The following TNS3 variants were observed in gnomAD, a reference collection of about 807,000 sequenced individuals.
TNS3 encodes the protein tensin-3.
TNS3 carries 45 observed loss-of-function variants against 140.9 expected under a neutral mutation model. The ratio of observed to expected loss-of-function variants is 0.32; its 90% CI spans 0.25 to 0.41. The LOEUF (loss-of-function observed/expected upper bound fraction) is 0.41, where lower values mean the gene tolerates loss of function less well. Among genes scored for constraint, TNS3 ranks in the 10% least tolerant of loss-of-function variants. TNS3 has a pLI of 1.00. For synonymous variants in TNS3, 815 were observed against 788.4 expected (o/e 1.03, Z -0.56); for missense variants, 1,716 against 1,906.7 (o/e 0.90, Z 1.86).
intron 20 of TNS3, among the ~76,000 whole-genome samples, chr7:47,308,823 C>T (rs1001669431): frequency 1.5e-4 from 23 of 152,184 alleles, no homozygotes; most frequent in Admixed American, 1.4e-3. Flanking sequence ...GGGTTAGCCT[C>T]TCTTTCCAAT....
At chr7:47,388,341 T>C (rs1792193482) in intron 16 of TNS3, among the ~76,000 whole-genome samples, 1 of 152,180 alleles carries the variant, frequency 6.6e-6, no homozygotes, top group South Asian at 2.1e-4. Context: ...TCCAGGTTCA[T>C]GTCTCAGGGA....
chr7:47,479,487 C>A (rs1401862847), intron 4 of TNS3, among the ~76,000 whole-genome samples: 2 of 149,716 alleles, frequency 1.3e-5, no homozygotes. Context: ...CCTACTCCCC[C>A]ACCCCCCCGT....
At chr7:47,294,418 C>T (rs987113881) in intron 24 of TNS3, among the ~76,000 whole-genome samples, 1 of 152,172 alleles carries the variant, frequency 6.6e-6, no homozygotes, top group Admixed American at 6.5e-5. Flanking sequence ...AAAGAGAAAA[C>T]ACATCATAAA....
chr7:47,486,292 C>CT (rs1431221191), intron 3 of TNS3, among the ~76,000 whole-genome samples: 2 of 151,646 alleles, frequency 1.3e-5, no homozygotes, highest in African/African-American at 4.9e-5. Flanking sequence ...ATGTGTGAAA[C>CT]TGAGTTTTGT....
intron 17 of TNS3, among the ~76,000 whole-genome samples, chr7:47,356,157 G>A (rs1193132558): frequency 6.6e-6 from 1 of 152,198 alleles, no homozygotes; most frequent in East Asian, 1.9e-4. Flanking sequence ...CCAAGGGCCA[G>A]CTCTCCTGGA....
At chr7:47,414,526 T>C (rs111932914) in intron 11 of TNS3, among the ~76,000 whole-genome samples, 1 of 152,190 alleles carries the variant, frequency 6.6e-6, no homozygotes, top group Admixed American at 6.5e-5. Context: ...CCCTCGGCCA[T>C]ATACTCTGTG....
At chr7:47,554,183 C>A (rs951444731) in intron 1 of TNS3, among the ~76,000 whole-genome samples, 3 of 150,910 alleles carry the variant, frequency 2.0e-5, no homozygotes, top group Non-Finnish European at 4.4e-5. Context: ...CTTTGGGAGG[C>A]CAAGACGGGT....
At chr7:47,430,662 C>T (rs1433749047) in intron 8 of TNS3, among the ~76,000 whole-genome samples, 5 of 151,968 alleles carry the variant, frequency 3.3e-5, no homozygotes, top group Non-Finnish European at 7.4e-5. Context: ...GCATAGATGG[C>T]ATGTTAGGCC....
chr7:47,444,291 T>G (rs551438480), intron 4 of TNS3, among the ~76,000 whole-genome samples: 4 of 152,236 alleles, frequency 2.6e-5, no homozygotes, highest in Admixed American at 6.5e-5. Flanking sequence ...CAAAATACAG[T>G]GACTCCCATT....
At chr7:47,511,060 A>G (rs1798589858) in intron 2 of TNS3, among the ~76,000 whole-genome samples, 3 of 152,238 alleles carry the variant, frequency 2.0e-5, no homozygotes, top group African/African-American at 7.2e-5. Flanking sequence ...GGTGTTCCAC[A>G]CCGGGTAAAA....
At chr7:47,487,816 A>G (rs141032539) in intron 3 of TNS3, among the ~76,000 whole-genome samples, 1 of 152,368 alleles carries the variant, frequency 6.6e-6, no homozygotes, top group Non-Finnish European at 1.5e-5. Context: ...AATGAAGTTT[A>G]CTTTTATTTT....
At chr7:47,290,877 C>T (rs954469001) in intron 27 of TNS3, among the ~76,000 whole-genome samples, 2 of 152,210 alleles carry the variant, frequency 1.3e-5, no homozygotes, top group Non-Finnish European at 2.9e-5. Context: ...CAAAAACCTG[C>T]ACATGGGTGT....
At chr7:47,447,183 G>C (rs972466216) in intron 4 of TNS3, among the ~76,000 whole-genome samples, 2 of 151,276 alleles carry the variant, frequency 1.3e-5, no homozygotes, top group Non-Finnish European at 3.0e-5. Flanking sequence ...AGTGAAAAGT[G>C]AGGAGAGGCA....
intron 20 of TNS3, 95 bp downstream of exon 20, chr7:47,344,660 C>T: frequency 8.8e-7 from 1 of 1,136,184 alleles, no homozygotes; most frequent in Non-Finnish European, 1.3e-6. Flanking sequence ...CAAATGGAAA[C>T]ATTTCTGCAT....
At chr7:47,460,934 T>C (rs1796464753) in intron 4 of TNS3, among the ~76,000 whole-genome samples, 5 of 152,244 alleles carry the variant, frequency 3.3e-5, no homozygotes, top group Admixed American at 2.6e-4. Context: ...CAGAGAGGTT[T>C]TATGTGCATC....
rs531299396 is a variant in TNS3 at position 47,463,085 on chromosome 7, C to T, written c.-76+18018G>A. Among the ~76,000 whole-genome samples the T allele has an allele frequency of 1.2e-4, 18 of 152,314 alleles. No homozygotes were observed. The South Asian group carries it at 3.7e-3, about 32-fold the overall frequency. On this transcript the variant is annotated intron_variant, in intron 4 of 30. Transcript: ENST00000311160. ...GATTTGACCAACACTGAGCTTCCGT[C>T]TCTAGGAGAAATACAGGGTTAGGGT... is the stretch of plus-strand genomic sequence containing the variant.
chr7:47,570,648 A>T (rs948971625), intron 1 of TNS3, among the ~76,000 whole-genome samples: 6 of 152,208 alleles, frequency 3.9e-5, no homozygotes, highest in African/African-American at 1.4e-4. Context: ...GAATGTTTTC[A>T]TCTAGATGTG....
In TNS3 at chr7:47,457,599, C is replaced by T. The variant is rs144326968; in HGVS notation, c.-75-15544G>A. Among the ~76,000 whole-genome samples, 7 of 152,310 alleles carry T rather than the reference C, an allele frequency of 4.6e-5. No homozygotes were observed. The East Asian group carries it at 1.4e-3, about 29-fold the overall frequency. On this transcript the variant is annotated intron_variant, in intron 4 of 30. Transcript: ENST00000311160. ...CTTCTGAAACCCAAGCTATCAAAAA[C>T]CCATCACCACCATGGTTTCCTGCCA...
intron 4 of TNS3, among the ~76,000 whole-genome samples, chr7:47,477,004 C>A (rs550209912): frequency 6.6e-5 from 10 of 152,144 alleles, no homozygotes; most frequent in Admixed American, 3.3e-4. Context: ...GGGTTCAATG[C>A]GCCACAATCA....
Sources: gnomAD v4.1 joint callset for allele counts (sites outside exome capture counted in the v4.1 genomes callset) on GRCh38, gnomAD v4.1.1 for gene constraint, MANE v1.5 for transcripts, NCBI Gene and HGNC (gene_info 2026-07-23, HGNC 2026-07-21) for gene names.